Variants in TMEM143 observed in about 807,000 individuals in gnomAD.
TMEM143 encodes transmembrane protein 143.
A neutral mutation model predicts 40.3 loss-of-function variants in TMEM143; 45 were observed. The ratio of observed to expected loss-of-function variants is 1.12; its 90% CI spans 0.88 to 1.43. TMEM143 has a LOEUF of 1.43. TMEM143 is among the 40% of genes most tolerant of loss of function. The pLI is 0.00. For synonymous variants in TMEM143, 299 were observed against 282.7 expected (o/e 1.06, Z -0.58); for missense variants, 620 against 613.4 (o/e 1.01, Z -0.11).
At chr19:48,344,035 C>T (rs1261172850) in intron 4 of TMEM143, among the ~76,000 whole-genome samples, 5 of 151,506 alleles carry the variant, frequency 3.3e-5, no homozygotes, top group African/African-American at 1.2e-4. Flanking sequence ...TACAGGCACC[C>T]GCCACCATGC....
chr19:48,358,421 T>A (rs1969961382), intron 3 of TMEM143, among the ~76,000 whole-genome samples: 1 of 151,378 alleles, frequency 6.6e-6, no homozygotes. Flanking sequence ...AATAAATTCA[T>A]AAATAAATGG....
At chr19:48,355,907 A>G (rs963364194) in intron 3 of TMEM143, among the ~76,000 whole-genome samples, 1 of 152,180 alleles carries the variant, frequency 6.6e-6, no homozygotes, top group Non-Finnish European at 1.5e-5. Context: ...CTGGAGTCTC[A>G]GGTCAGCCAC....
rs372397076 is a variant in TMEM143, at chr19:48,359,541, C to T, written c.369+531G>A. Among the ~76,000 whole-genome samples, 195 of 127,908 alleles carry T rather than the reference C, an allele frequency of 1.5e-3. 2 individuals are homozygous for T. The highest frequency in any genetic ancestry group is 5.4e-3 in the African/African-American group (187 of 34,448). The allele number at this position is 127,908 out of a possible 152,430, so 83.9% of individuals were successfully genotyped here. A position where few individuals can be genotyped will look rare whatever the true frequency, so the allele number is the denominator to read the frequency against. ...TTTTTTTTTTGAGACAGAGTTTCCT[C>T]AGTCGCCCAGGCTGGAGTGCAGTGG... On this transcript the variant is annotated intron_variant, in intron 3 of 7. Coordinates refer to ENST00000293261, the MANE Select transcript of TMEM143 (RefSeq NM_018273.4).
Position 48,363,539 on chromosome 19 carries a change from G to A in TMEM143, c.24-8C>T, listed in dbSNP as rs199735728. The A allele has an allele frequency of 3.9e-3, 6,185 of 1,592,682 alleles. 16 individuals are homozygous for A. The highest frequency in any genetic ancestry group is 4.6e-3 in the Non-Finnish European group (5,392 of 1,168,470). ...AGACCCTTTCCCCGGAGCCTAAACAGAGGAAAATGGGCAGGGGTCAAAGGC... is the reference window on the plus strand; with the variant it reads ...AGACCCTTTCCCCGGAGCCTAAACAAAGGAAAATGGGCAGGGGTCAAAGGC... On this transcript the variant is annotated splice_region_variant and splice_polypyrimidine_tract_variant and intron_variant, in intron 1 of 7. Transcript: ENST00000293261.
chr19:48,361,857 A>G (rs937713653), intron 2 of TMEM143, among the ~76,000 whole-genome samples: 1 of 152,058 alleles, frequency 6.6e-6, no homozygotes, highest in Admixed American at 6.6e-5. Flanking sequence ...TCCTATGTCA[A>G]TGTCCTGGGT....
intron 3 of TMEM143, among the ~76,000 whole-genome samples, chr19:48,346,851 T>C (rs1969647418): frequency 6.6e-6 from 1 of 152,174 alleles, no homozygotes; most frequent in Non-Finnish European, 1.5e-5. Flanking sequence ...GTGGTGGGAT[T>C]ACAGGCGTGA....
rs761900184 is a variant in TMEM143, at chr19:48,334,152, T to C, written c.1021A>G (p.Met341Val). 6 of 1,608,694 alleles carry C rather than the reference T, an allele frequency of 3.7e-6. No individual in the cohort carries two copies. Among genetic ancestry groups the C allele is most frequent in the Non-Finnish European group, 5.1e-6 (6 of 1,178,036 alleles). ...RSAQALELAH[M>V]LYYRSTSNNS... is the part of the protein sequence containing the mutation. ...TTGGACGTACTGCGATAGTACAGCA[T>C]GTGCGCCAGCTCCAACGCCTGCGCG... The change falls in exon 7 of 8, where the codon ATG (methionine) becomes GTG (valine). Residue 341 changes from methionine (M) to valine (V), a missense_variant. Met to Val is a conservative substitution (Grantham distance 21, BLOSUM62 1). Transcript: ENST00000293261.
Position 48,334,326 on chromosome 19 carries a change from C to T in TMEM143, c.976-129G>A, listed in dbSNP as rs145969925. ...CCTGAGGAGGCGGGGAGGTCCTACC[C>T]AGACCTCTTCAGTACGGGTCCCCAG... On this transcript the variant is annotated intron_variant, in intron 6 of 7. Transcript: ENST00000293261. 5.6e-3 allele frequency: 4,939 copies of T among 880,950 alleles called. 29 individuals are homozygous for T. Among genetic ancestry groups the T allele is most frequent in the South Asian group, 0.014 (789 of 57,022 alleles). 54.6% of individuals were successfully genotyped at this position (880,950 alleles called of 1,614,324 possible). A position where few individuals can be genotyped will look rare whatever the true frequency, so the allele number is the denominator to read the frequency against.
intron 3 of TMEM143, among the ~76,000 whole-genome samples, chr19:48,348,769 A>T (rs1969701651): frequency 6.6e-6 from 1 of 152,166 alleles, no homozygotes; most frequent in African/African-American, 2.4e-5. Flanking sequence ...ATCTCCTGCT[A>T]AAACCCTCCC....
chr19:48,363,764 T>A, intron 1 of TMEM143, 134 bp downstream of exon 1: 1 of 1,495,630 alleles, frequency 6.7e-7, no homozygotes, highest in Non-Finnish European at 9.3e-7. Context: ...CCAGAGACCC[T>A]GTAGTGGTAC....
rs71181680 is a variant in TMEM143, at chr19:48,350,919, C to CAAA, written c.370-5568_370-5566dup. 9.1e-5 allele frequency among the ~76,000 whole-genome samples: 8 copies of CAAA among 88,240 alleles called. 1 individual carries two copies. Among genetic ancestry groups the CAAA allele is most frequent in the Admixed American group, 2.5e-4 (2 of 8,116 alleles). 57.9% of individuals were successfully genotyped at this position (88,240 alleles called of 152,430 possible). A position where few individuals can be genotyped will look rare whatever the true frequency, so the allele number is the denominator to read the frequency against. On this transcript the variant is annotated intron_variant, in intron 3 of 7. Coordinates refer to ENST00000293261, the MANE Select transcript of TMEM143 (RefSeq NM_018273.4). ...CCTGGGAGACAGTGAGACTACATCT[C>CAAA]AAAAAAAAAAAAAAAAAAAAAAAAA...
intron 6 of TMEM143, among the ~76,000 whole-genome samples, chr19:48,337,713 A>G (rs1969402660): frequency 6.6e-6 from 1 of 151,942 alleles, no homozygotes; most frequent in Non-Finnish European, 1.5e-5. Context: ...AAGTCAGCGC[A>G]CCCCAGAAAA....
intron 6 of TMEM143, among the ~76,000 whole-genome samples, chr19:48,334,454 CTTT>C: frequency 2.3e-5 from 1 of 44,376 alleles, no homozygotes; most frequent in East Asian, 4.7e-4. Flanking sequence ...TTCTTTCTTT[CTTT>C]CTTTCTTTCT....
At chr19:48,349,355 A>G (rs1463314512) in intron 3 of TMEM143, among the ~76,000 whole-genome samples, 4 of 152,184 alleles carry the variant, frequency 2.6e-5, no homozygotes, top group Non-Finnish European at 5.9e-5. Flanking sequence ...ACTATCAAAA[A>G]GCCTCGGACA....
intron 3 of TMEM143, among the ~76,000 whole-genome samples, chr19:48,356,809 G>T (rs960929118): frequency 2.7e-5 from 4 of 150,032 alleles, no homozygotes; most frequent in Non-Finnish European, 5.9e-5. Flanking sequence ...GTTGAGGCTG[G>T]TCTCGAACTC....
At chr19:48,359,593 G>A (rs1027006421) in intron 3 of TMEM143, among the ~76,000 whole-genome samples, 7 of 143,214 alleles carry the variant, frequency 4.9e-5, no homozygotes, top group East Asian at 4.4e-4. Context: ...TGCAAGCTCC[G>A]CCTCCCGGGT....
At chr19:48,361,601 G>T (rs1228748237) in intron 2 of TMEM143, among the ~76,000 whole-genome samples, 1 of 150,414 alleles carries the variant, frequency 6.6e-6, no homozygotes, top group African/African-American at 2.5e-5. Flanking sequence ...CACGATCTCG[G>T]CTCACTGCAA....
intron 1 of TMEM143, 51 bp downstream of exon 1, chr19:48,363,847 G>C: frequency 6.2e-7 from 1 of 1,613,316 alleles, no homozygotes. Flanking sequence ...GTTACCTAGG[G>C]GGTGCAGGGC....
rs933887651 is a variant in TMEM143 at position 48,361,580 on chromosome 19, G to T, written c.265-1404C>A. Among the ~76,000 whole-genome samples, 175 of 148,448 alleles carry T rather than the reference G, an allele frequency of 1.2e-3. 1 individual carries two copies. The highest frequency in any genetic ancestry group is 4.3e-3 in the African/African-American group (174 of 40,180). On this transcript the variant is annotated intron_variant, in intron 2 of 7. Coordinates refer to ENST00000293261, the MANE Select transcript of TMEM143 (RefSeq NM_018273.4). ...GAGTCTTGCTCTGTTGCCCAGACTGGAGTGCAGTGGCACGATCTCGGCTCA... is the reference window on the plus strand; with the variant it reads ...GAGTCTTGCTCTGTTGCCCAGACTGTAGTGCAGTGGCACGATCTCGGCTCA...
Sources: allele counts gnomAD v4.1 joint callset (sites outside exome capture counted in the v4.1 genomes callset), GRCh38; gene constraint gnomAD v4.1.1; transcripts MANE v1.5; gene names NCBI Gene and HGNC (gene_info 2026-07-23, HGNC 2026-07-21).